CHSY1: variants seen among roughly 807,000 people sequenced by gnomAD.
The protein encoded by CHSY1 is N-acetylgalactosaminyl-proteoglycan 3-beta-glucuronosyltransferase 1.
Under a neutral mutation model 59.8 loss-of-function variants are expected in CHSY1, and 13 were observed. That is an observed-to-expected ratio of 0.22 (90% confidence interval 0.14 to 0.35). The LOEUF is 0.35. Ranked by LOEUF, CHSY1 falls within the 10% of genes least tolerant of loss-of-function variation. The pLI is 1.00. For missense variants in CHSY1, 947 were observed against 1,030.6 expected, an observed-to-expected ratio of 0.92 and a Z score of 1.11; for synonymous variants, 459 against 401.2, an observed-to-expected ratio of 1.14 and a Z score of -1.72.
At chr15:101,233,393 G>A (rs1447039601) in intron 2 of CHSY1, among the ~76,000 whole-genome samples, 2 of 152,164 alleles carry the variant, frequency 1.3e-5, no homozygotes, top group Admixed American at 6.5e-5. Flanking sequence ...CCGGCAAGAA[G>A]GTTGGCTTCT....
intron 2 of CHSY1, among the ~76,000 whole-genome samples, chr15:101,201,124 G>C (rs1394164871): frequency 1.3e-5 from 2 of 151,718 alleles, no homozygotes; most frequent in Non-Finnish European, 2.9e-5. Context: ...TGCGGGGGGA[G>C]GTGGTCGGGG....
At position 101,177,853 on chromosome 15, in the gene CHSY1, T is replaced by G; in HGVS notation, c.1944A>C (p.Thr648=). The change falls in exon 3 of 3, where the codon ACA becomes ACC. Residue 648 remains threonine (T), a synonymous_variant. Transcript: ENST00000254190. Reference sequence around the variant, plus strand: ...GAAAATATATTTGTTGGCCCAGAACTGTATTTGCTCGACATCGCTGAAGGA... The same window carrying G: ...GAAAATATATTTGTTGGCCCAGAACGGTATTTGCTCGACATCGCTGAAGGA... ...TEFLQRCRAN[T]VLGQQIYFPI... is the part of the protein sequence containing the mutation. 6.2e-7 allele frequency: 1 copy of G among 1,614,192 alleles called. No homozygotes were observed. Among genetic ancestry groups the G allele is most frequent in the African/African-American group, 1.3e-5 (1 of 75,064 alleles).
intron 2 of CHSY1, among the ~76,000 whole-genome samples, chr15:101,214,015 T>A (rs2141262482): frequency 6.6e-6 from 1 of 152,316 alleles, no homozygotes; most frequent in Middle Eastern, 3.4e-3. Flanking sequence ...CATGGAAAAT[T>A]GGTTAAACGT....
At chr15:101,189,855 T>C (rs1303740483) in intron 2 of CHSY1, among the ~76,000 whole-genome samples, 1 of 152,196 alleles carries the variant, frequency 6.6e-6, no homozygotes, top group African/African-American at 2.4e-5. Context: ...GCCTGGTGAG[T>C]GGGGACAGCA....
intron 2 of CHSY1, among the ~76,000 whole-genome samples, chr15:101,223,911 C>A (rs1406365995): frequency 1.3e-5 from 2 of 152,268 alleles, no homozygotes; most frequent in South Asian, 4.1e-4. Context: ...GCCCCTGTAA[C>A]GATGTCTCAG....
At chr15:101,215,694 C>T (rs910352458) in intron 2 of CHSY1, among the ~76,000 whole-genome samples, 3 of 152,220 alleles carry the variant, frequency 2.0e-5, no homozygotes, top group Admixed American at 6.5e-5. Flanking sequence ...GAGACTGCAC[C>T]GCTGCACTCC....
chr15:101,237,093 G>T (rs1159522935), intron 1 of CHSY1, among the ~76,000 whole-genome samples: 1 of 151,232 alleles, frequency 6.6e-6, no homozygotes, highest in Non-Finnish European at 1.5e-5. Flanking sequence ...GCATGGTGGC[G>T]TGTGCCTGTA....
At chr15:101,237,885 T>A (rs188785359) in intron 1 of CHSY1, among the ~76,000 whole-genome samples, 29 of 152,362 alleles carry the variant, frequency 1.9e-4, no homozygotes, top group African/African-American at 6.5e-4. Context: ...CTTTCAAATA[T>A]TTTTTATTTT....
rs564143620 is a variant in CHSY1 at position 101,251,074 on chromosome 15, CCCGGGATGCCGGCCG to C, written c.320+48_320+62del. ...GGCGGAGGCGAGAGCCAGGAGAGCA[CCCGGGATGCCGGCCG>C]CCGGGATGCCGGACGCAGGAGGCGG... On this transcript the variant is annotated intron_variant, in intron 1 of 2. Coordinates refer to ENST00000254190, the MANE Select transcript of CHSY1 (RefSeq NM_014918.5). 5.2e-4 allele frequency: 772 copies of C among 1,472,828 alleles called. 8 individuals are homozygous for C. In the East Asian group the frequency reaches 0.013, roughly 25 times the overall value. 91.2% of individuals were successfully genotyped at this position (1,472,828 alleles called of 1,614,324 possible).
At chr15:101,231,474 T>C (rs1321047447) in intron 2 of CHSY1, among the ~76,000 whole-genome samples, 2 of 152,220 alleles carry the variant, frequency 1.3e-5, no homozygotes, top group Non-Finnish European at 2.9e-5. Flanking sequence ...ATAAGCCCTT[T>C]GCACTTCTGA....
intron 2 of CHSY1, among the ~76,000 whole-genome samples, chr15:101,231,983 T>C (rs1258513053): frequency 3.3e-5 from 5 of 152,212 alleles, no homozygotes; most frequent in Non-Finnish European, 7.3e-5. Flanking sequence ...TCCTCTGACT[T>C]CTCTGTGAGT....
Position 101,204,984 on chromosome 15 carries a change from CG to C in CHSY1, c.817-26005del, listed in dbSNP as rs531903842. 9.2e-4 allele frequency among the ~76,000 whole-genome samples: 140 copies of C among 152,190 alleles called. 2 individuals are homozygous for C. The East Asian group carries it at 0.013, about 14-fold the overall frequency. ...GCGAAGATCATAGTAACTAATTTTT[CG>C]CAATACTACATACTCTATCCACCAG... On this transcript the variant is annotated intron_variant, in intron 2 of 2. Transcript: ENST00000254190.
intron 2 of CHSY1, among the ~76,000 whole-genome samples, chr15:101,224,382 A>G (rs1200502215): frequency 6.6e-6 from 1 of 152,216 alleles, no homozygotes; most frequent in African/African-American, 2.4e-5. Context: ...CTGACTTTAT[A>G]AAAGTTACTT....
intron 2 of CHSY1, among the ~76,000 whole-genome samples, chr15:101,234,760 G>A (rs530708912): frequency 3.3e-5 from 5 of 152,198 alleles, no homozygotes; most frequent in Admixed American, 2.6e-4. Flanking sequence ...CTAGCTACTC[G>A]GGAGGCTGAG....
At chr15:101,209,195 A>G (rs529677836) in intron 2 of CHSY1, among the ~76,000 whole-genome samples, 71 of 152,214 alleles carry the variant, frequency 4.7e-4, no homozygotes, top group Non-Finnish European at 7.6e-4. Flanking sequence ...AACCAAAATC[A>G]CAAACTGTTA....
intron 2 of CHSY1, among the ~76,000 whole-genome samples, chr15:101,179,430 C>T (rs918750011): frequency 2.0e-5 from 3 of 152,220 alleles, no homozygotes; most frequent in East Asian, 3.9e-4. Flanking sequence ...AGAAGAACTC[C>T]AGGCAAACAA....
intron 1 of CHSY1, among the ~76,000 whole-genome samples, chr15:101,250,249 G>GT (rs1465483000): frequency 6.6e-6 from 1 of 152,194 alleles, no homozygotes; most frequent in Non-Finnish European, 1.5e-5. Context: ...TATCCATACA[G>GT]TAAGTGTCTC....
chr15:101,186,153 A>T (rs2038360825), intron 2 of CHSY1, among the ~76,000 whole-genome samples: 1 of 148,622 alleles, frequency 6.7e-6, no homozygotes. Context: ...CTACCAAAAA[A>T]AAAAAAAAAA....
chr15:101,207,928 T>G lies in CHSY1; in HGVS notation c.816+27154A>C, dbSNP rs527271397. On this transcript the variant is annotated intron_variant, in intron 2 of 2. Coordinates refer to ENST00000254190, the MANE Select transcript of CHSY1 (RefSeq NM_014918.5). ...GGTGGGCTGGTGCAGTGGCCCAGCC[T>G]TGGGGCGTCAGGTAGGCCGCCAACC... 6.6e-5 allele frequency among the ~76,000 whole-genome samples: 10 copies of G among 152,312 alleles called. No homozygotes were observed. The South Asian group carries it at 1.9e-3, about 28-fold the overall frequency.
Sources: allele counts gnomAD v4.1 joint callset (sites outside exome capture counted in the v4.1 genomes callset), GRCh38; gene constraint gnomAD v4.1.1; transcripts MANE v1.5; gene names NCBI Gene and HGNC (gene_info 2026-07-23, HGNC 2026-07-21).